The following WDFY3 variants were observed in gnomAD, a reference collection of about 807,000 sequenced individuals.
WDFY3 encodes the protein WD repeat and FYVE domain containing 3.
In WDFY3, 66 loss-of-function variants were observed where a neutral mutation model predicts 409.6. The observed-to-expected ratio is 0.16, with a 90% CI of 0.13 to 0.20. The LOEUF is 0.20. Ranked by LOEUF, WDFY3 falls within the 10% of genes least tolerant of loss-of-function variation. The pLI, the probability that WDFY3 is intolerant of heterozygous loss-of-function variation, is 1.00. For synonymous variants in WDFY3, 1,521 were observed against 1,537.1 expected, an observed-to-expected ratio of 0.99 and a Z score of 0.25; for missense variants, 3,031 against 4,298.1, an observed-to-expected ratio of 0.71 and a Z score of 8.24.
intron 36 of WDFY3, among the ~76,000 whole-genome samples, chr4:84,749,374 A>T (rs1740087373): frequency 6.6e-6 from 1 of 152,194 alleles, no homozygotes; most frequent in Non-Finnish European, 1.5e-5. Context: ...ATTTAAAAGT[A>T]AATTTCTATG....
chr4:84,829,817 A>ATAAG (rs1755420361), intron 8 of WDFY3, among the ~76,000 whole-genome samples: 1 of 146,734 alleles, frequency 6.8e-6, no homozygotes, highest in Admixed American at 6.8e-5. Flanking sequence ...CTCAAAATAA[A>ATAAG]TAAATAAATA....
chr4:84,847,486 G>T (rs375581307), intron 5 of WDFY3, among the ~76,000 whole-genome samples: 1 of 151,370 alleles, frequency 6.6e-6, no homozygotes, highest in Admixed American at 6.6e-5. Flanking sequence ...ACAAGAAACC[G>T]CCGGGCGCAG....
In WDFY3 at chr4:84,826,938, C is replaced by T. The variant is rs1754951632; in HGVS notation, c.1000G>A (p.Asp334Asn). The T allele has an allele frequency of 6.2e-7, 1 of 1,608,654 alleles. No individual in the cohort carries two copies. The highest frequency in any genetic ancestry group is 1.7e-4 in the Middle Eastern group (1 of 6,036). The change falls in exon 10 of 68, where the codon GAT becomes AAT. Residue 334 changes from aspartate to asparagine, a missense_variant. This residue lies in a region of WDFY3 where 1,322 missense variants were observed against 1,697.9 expected (regional missense o/e 0.78). Transcript: ENST00000295888. ...KEAESKDALK[D>N]LVNLITSLTT... ...AGGGAAGTTATCAGATTAACCAGAT[C>T]TTTCAAGGCATCTTTGGATTCTGCC...
Position 84,753,734 on chromosome 4 carries a change from G to A in WDFY3, c.5702C>T (p.Thr1901Ile). ...SPDFLCALAA[T>I]VFPFNIRPYS... ...AGGGCGAATATTGAAGGGGAAGACG[G>A]TGGCTGCTAATGCACACAGGAAGTC... Residue 1901 changes from threonine (T) to isoleucine (I), a missense_variant, in exon 35 of 68, where the codon ACC becomes ATC. Thr to Ile is a moderately conservative substitution (Grantham distance 89, BLOSUM62 -1). This residue lies in a region of WDFY3 where 342 missense variants were observed against 463.7 expected (regional missense o/e 0.74). Transcript: ENST00000295888. The A allele has an allele frequency of 6.2e-7, 1 of 1,601,118 alleles. No homozygotes were observed. The highest frequency in any genetic ancestry group is 8.5e-7 in the Non-Finnish European group (1 of 1,174,292).
At position 84,759,345 on chromosome 4, in the gene WDFY3, C is replaced by T. The variant is rs1446343873; in HGVS notation, c.5189-2184G>A. Among the ~76,000 whole-genome samples the T allele has an allele frequency of 1.1e-4, 17 of 152,024 alleles. No homozygotes were observed. The East Asian group carries it at 1.2e-3, about 10-fold the overall frequency. ...GTTTTTTCCAATTCTGTGAAGAAAG[C>T]CATTGGTAGCTTGATGGGGATGGCA... On this transcript the variant is annotated intron_variant, in intron 32 of 67. Coordinates refer to ENST00000295888, the MANE Select transcript of WDFY3 (RefSeq NM_014991.6).
rs200098943 is a variant in WDFY3 at position 84,808,354 on chromosome 4, T to C, written c.2409A>G (p.Thr803=). Residue 803 remains threonine, a synonymous_variant, in exon 15 of 68, where the codon ACA becomes ACG. Coordinates refer to ENST00000295888, the MANE Select transcript of WDFY3 (RefSeq NM_014991.6). The part of the protein sequence containing the change: ...SESSLPSPWG[T]PALSRKRHAY... ...AGTACCTTTTCCTGGACAAAGCTGGTGTACCCCAAGGAGAGGGGAGAGAAG... is the reference window on the plus strand; with the variant it reads ...AGTACCTTTTCCTGGACAAAGCTGGCGTACCCCAAGGAGAGGGGAGAGAAG... 5 of 1,613,686 alleles carry C rather than the reference T, an allele frequency of 3.1e-6. No individual in the cohort carries two copies. The highest frequency in any genetic ancestry group is 4.2e-6 in the Non-Finnish European group (5 of 1,179,800).
chr4:84,694,174 C>G (rs1279370169), intron 58 of WDFY3, among the ~76,000 whole-genome samples: 2 of 152,132 alleles, frequency 1.3e-5, no homozygotes, highest in Non-Finnish European at 2.9e-5. Flanking sequence ...CCTATTTTAT[C>G]TACATAAAGG....
At chr4:84,749,624 A>G (rs1740141889) in intron 36 of WDFY3, among the ~76,000 whole-genome samples, 1 of 152,220 alleles carries the variant, frequency 6.6e-6, no homozygotes, top group Non-Finnish European at 1.5e-5. Flanking sequence ...ATTTTGCTTA[A>G]AGTTGCAGCT....
chr4:84,947,864 T>C (rs1163580474), intron 1 of WDFY3, among the ~76,000 whole-genome samples: 2 of 151,876 alleles, frequency 1.3e-5, no homozygotes, highest in Non-Finnish European at 2.9e-5. Flanking sequence ...CCAGCCTAGA[T>C]GAAAGAGTGA....
intron 3 of WDFY3, among the ~76,000 whole-genome samples, chr4:84,884,309 GT>G (rs536416716): frequency 1.7e-4 from 25 of 150,632 alleles, no homozygotes; most frequent in South Asian, 8.4e-4. Context: ...ATTGATCTAG[GT>G]TTTTTTTTAA....
intron 64 of WDFY3, 140 bp from the exon 65 acceptor site, chr4:84,679,382 T>C (rs1423905454): frequency 2.3e-6 from 2 of 864,784 alleles, no homozygotes; most frequent in African/African-American, 3.5e-5. Context: ...AAAAAGAAAG[T>C]AAGTGCCAGG....
Position 84,821,298 on chromosome 4 carries a change from A to G in WDFY3, c.1377T>C (p.Pro459=), listed in dbSNP as rs750501063. 6.2e-7 allele frequency: 1 copy of G among 1,613,772 alleles called. No individual in the cohort carries two copies. The highest frequency in any genetic ancestry group is 1.1e-5 in the South Asian group (1 of 91,076). ...TACTGACACTAATAAGTTCTTTACA[A>G]GGTATATAATTTAAGCTAAAAACAA... ...EFVVFSLNYI[P]CKELISVSIL... is the part of the protein sequence containing the mutation. The change falls in exon 11 of 68, where the codon CCT becomes CCC. Residue 459 remains proline (P), a synonymous_variant. Transcript: ENST00000295888.
At chr4:84,940,625 T>C (rs1393099535) in intron 1 of WDFY3, among the ~76,000 whole-genome samples, 1 of 152,084 alleles carries the variant, frequency 6.6e-6, no homozygotes, top group African/African-American at 2.4e-5. Context: ...TTCTTGTTTA[T>C]ACTAACCAGC....
At chr4:84,855,719 G>A in intron 4 of WDFY3, among the ~76,000 whole-genome samples, 1 of 152,116 alleles carries the variant, frequency 6.6e-6, no homozygotes, top group Admixed American at 6.5e-5. Context: ...AAATAACAAT[G>A]TTAAAAAATT....
rs556921209 is a variant in WDFY3 at position 84,752,298 on chromosome 4, GAGA to G, written c.5740-585_5740-583del. Among the ~76,000 whole-genome samples the G allele has an allele frequency of 1.1e-3, 166 of 152,270 alleles. 2 individuals carry two copies. Among genetic ancestry groups the G allele is most frequent in the African/African-American group, 3.7e-3 (155 of 41,558 alleles). On this transcript the variant is annotated intron_variant, in intron 35 of 67. Coordinates refer to ENST00000295888, the MANE Select transcript of WDFY3 (RefSeq NM_014991.6). ...GGAGGCCGACATAGGCAGATCACCTGAGATCAGGAGTTCGAGACTAGCCTGGCC... is the reference window on the plus strand; with the variant it reads ...GGAGGCCGACATAGGCAGATCACCTGTCAGGAGTTCGAGACTAGCCTGGCC...
chr4:84,922,246 A>G (rs1196719317), intron 2 of WDFY3, among the ~76,000 whole-genome samples: 2 of 152,176 alleles, frequency 1.3e-5, no homozygotes, highest in Non-Finnish European at 2.9e-5. Flanking sequence ...CTGAGAATAT[A>G]AAATACAACA....
chr4:84,806,377 A>G (rs1751509584), intron 15 of WDFY3, among the ~76,000 whole-genome samples: 2 of 152,176 alleles, frequency 1.3e-5, no homozygotes, highest in Non-Finnish European at 2.9e-5. Context: ...TCCTTGGGGT[A>G]ATGTCAACTT....
At chr4:84,888,845 T>G (rs1764566767) in intron 3 of WDFY3, among the ~76,000 whole-genome samples, 1 of 151,930 alleles carries the variant, frequency 6.6e-6, no homozygotes, top group Non-Finnish European at 1.5e-5. Flanking sequence ...TTTTTTTTTT[T>G]CTTGGCTAGC....
At chr4:84,852,181 G>C (rs764345813) in intron 4 of WDFY3, among the ~76,000 whole-genome samples, 2 of 152,150 alleles carry the variant, frequency 1.3e-5, no homozygotes, top group South Asian at 2.1e-4. Flanking sequence ...CAGGACAATA[G>C]GTCTCATAAC....
Sources: gnomAD v4.1 joint callset for allele counts (sites outside exome capture counted in the v4.1 genomes callset) on GRCh38, gnomAD v4.1.1 for gene constraint, gnomAD v4.1.1 regional missense constraint, MANE v1.5 for transcripts, NCBI Gene and HGNC (gene_info 2026-07-23, HGNC 2026-07-21) for gene names.